Variants in CIITA observed in about 807,000 individuals in gnomAD.
CIITA encodes the protein class II major histocompatibility complex transactivator.
A neutral mutation model predicts 115.1 loss-of-function variants in CIITA; 72 were observed. The ratio of observed to expected loss-of-function variants is 0.63; its 90% CI spans 0.52 to 0.76. CIITA has a LOEUF of 0.76. Ranked by LOEUF, CIITA falls within the 30% of genes least tolerant of loss-of-function variation. CIITA has a pLI of 0.00. For missense variants in CIITA, 1,617 were observed against 1,463.8 expected (o/e 1.10, Z -1.71); for synonymous variants, 763 against 635.6 (o/e 1.20, Z -3.02).
At chr16:10,876,284 G>A (rs1313491179), upstream of CIITA, among the ~76,000 whole-genome samples, 1 of 152,164 alleles carries the variant, frequency 6.6e-6, no homozygotes, top group African/African-American at 2.4e-5. Flanking sequence ...CAAAATGTTG[G>A]AATTACAGGC....
rs538223269 is a variant in CIITA at position 10,879,077 on chromosome 16, G to T, written c.52+1695G>T. 7.2e-4 allele frequency: 144 copies of T among 198,834 alleles called. No individual in the cohort carries two copies. Among genetic ancestry groups the T allele is most frequent in the Middle Eastern group, 1.7e-3 (1 of 580 alleles). The allele number at this position is 198,834 out of a possible 1,614,324, so 12.3% of individuals were successfully genotyped here. ...CAAAGTCTCCTCTGTAACCCCTAAG[G>T]TCGGGCTGAGAATCGAGGCTCCGAG... On this transcript the variant is annotated intron_variant, in intron 1 of 19. Coordinates refer to ENST00000324288, the MANE Select transcript of CIITA (RefSeq NM_000246.4). The surrounding 1 kb of genome is among the most constrained non-coding windows in gnomAD (Gnocchi z 4.3).
In CIITA at chr16:10,879,328, C is replaced by G. The variant is rs12919717; in HGVS notation, c.52+1946C>G. The stretch of plus-strand genomic sequence containing the variant: ...GGCAGCTTCTGCAGAGAAGCCGGAG[C>G]GCAGACTGGGAGCGCGGAGCAGACA... On this transcript the variant is annotated intron_variant, in intron 1 of 19. Coordinates refer to ENST00000324288, the MANE Select transcript of CIITA (RefSeq NM_000246.4). This position sits in a 1 kb window ranked among gnomAD's most constrained non-coding sequence, Gnocchi z 4.3. Among the ~76,000 whole-genome samples, 1 of 151,916 alleles carries G rather than the reference C, an allele frequency of 6.6e-6. No individual in the cohort carries two copies. Among genetic ancestry groups the G allele is most frequent in the Non-Finnish European group, 1.5e-5 (1 of 67,980 alleles).
intron 1 of CIITA, chr16:10,866,524 C>G: frequency 1.8e-6 from 1 of 554,178 alleles, no homozygotes; most frequent in Non-Finnish European, 3.5e-6. Context: ...CCGGAGTGGG[C>G]TGCAGCCCCC....
chr16:10,901,217 G>A lies in CIITA; in HGVS notation c.437-297G>A, dbSNP rs766563417. Reference sequence around the variant, plus strand: ...TGCAAAGGCACACAGCTAGGAAGCGGTTCAAAAGCAGGTTCCTTTGTTTTG... The same window carrying A: ...TGCAAAGGCACACAGCTAGGAAGCGATTCAAAAGCAGGTTCCTTTGTTTTG... On this transcript the variant is annotated intron_variant, in intron 5 of 19. Transcript: ENST00000324288. This position sits in a 1 kb window ranked among gnomAD's most constrained non-coding sequence, Gnocchi z 6.8. 6.6e-5 allele frequency among the ~76,000 whole-genome samples: 10 copies of A among 152,220 alleles called. No individual in the cohort carries two copies. The highest frequency in any genetic ancestry group is 1.5e-4 in the Non-Finnish European group (10 of 68,034).
At chr16:10,903,105 C>G (rs1046496730) in intron 8 of CIITA, among the ~76,000 whole-genome samples, 14 of 152,212 alleles carry the variant, frequency 9.2e-5, no homozygotes, top group African/African-American at 2.9e-4. Context: ...ATTGCAACAT[C>G]AATACATGCT....
Position 10,906,589 on chromosome 16 carries a change from T to C in CIITA, c.1097T>C (p.Val366Ala), listed in dbSNP as rs539096456. The C allele has an allele frequency of 5.0e-6, 8 of 1,613,592 alleles. No homozygotes were observed. The East Asian group carries it at 1.1e-4, about 22-fold the overall frequency. The change falls in exon 11 of 20, where the codon GTG becomes GCG. Residue 366 changes from valine (V) to alanine (A), a missense_variant. Val to Ala is a moderately conservative substitution (Grantham distance 64). Transcript: ENST00000324288. ...GGCATCCTAGTGGAGGTGGATCTGGTGCAGGCCAGGCTGGAGAGGAGCAGC... is the reference window on the plus strand; with the variant it reads ...GGCATCCTAGTGGAGGTGGATCTGGCGCAGGCCAGGCTGGAGAGGAGCAGC... Reference protein sequence around the residue: ...PDGILVEVDLVQARLERSSSK... With the variant: ...PDGILVEVDLAQARLERSSSK...
intron 5 of CIITA, among the ~76,000 whole-genome samples, chr16:10,900,432 C>G (rs1473547355): frequency 6.6e-6 from 1 of 151,942 alleles, no homozygotes; most frequent in Non-Finnish European, 1.5e-5. Context: ...AATATTTCCC[C>G]CCAAGATTTT....
At chr16:10,891,304 C>T (rs2037554966) in intron 1 of CIITA, among the ~76,000 whole-genome samples, 1 of 151,982 alleles carries the variant, frequency 6.6e-6, no homozygotes, top group Non-Finnish European at 1.5e-5. Context: ...GCAGGGGCAG[C>T]CACCGACAGG....
Position 10,920,784 on chromosome 16 carries a change from T to C in CIITA, c.3150-1383T>C, listed in dbSNP as rs901240643. 6.6e-6 allele frequency among the ~76,000 whole-genome samples: 1 copy of C among 152,210 alleles called. No individual in the cohort carries two copies. Among genetic ancestry groups the C allele is most frequent in the African/African-American group, 2.4e-5 (1 of 41,446 alleles). On this transcript the variant is annotated intron_variant, in intron 16 of 19. Coordinates refer to ENST00000324288, the MANE Select transcript of CIITA (RefSeq NM_000246.4). The surrounding 1 kb of genome is among the most constrained non-coding windows in gnomAD (Gnocchi z 4.5). Reference sequence around the variant, plus strand: ...GGGTTCAGAGATTGCAAAACCCCCATCTAGTTTCTGCACTGGTACCGGCCG... The same window carrying C: ...GGGTTCAGAGATTGCAAAACCCCCACCTAGTTTCTGCACTGGTACCGGCCG...
At chr16:10,915,471 C>G (rs923819369) in intron 13 of CIITA, 99 bp from the exon 14 acceptor site, 1 of 927,298 alleles carries the variant, frequency 1.1e-6, no homozygotes, top group East Asian at 2.4e-5. Flanking sequence ...GGGCCTCAGA[C>G]AGGACCTGAC....
chr16:10,901,763 C>A lies in CIITA; in HGVS notation c.481+205C>A. On this transcript the variant is annotated intron_variant, in intron 6 of 19. Transcript: ENST00000324288. This position sits in a 1 kb window ranked among gnomAD's most constrained non-coding sequence, Gnocchi z 6.8. ...TGTGGAAGGTGGTAGGGGCTTGGAG[C>A]TAACAGATTGTTCATAGGTTCTATT... 1.5e-6 allele frequency: 1 copy of A among 669,340 alleles called. No individual in the cohort carries two copies. The highest frequency in any genetic ancestry group is 1.8e-5 in the South Asian group (1 of 54,606). 41.5% of individuals were successfully genotyped at this position (669,340 alleles called of 1,614,324 possible). A position where few individuals can be genotyped will look rare whatever the true frequency, so the allele number is the denominator to read the frequency against.
chr16:10,896,620 G>A (rs1321426170), intron 3 of CIITA, among the ~76,000 whole-genome samples: 1 of 152,180 alleles, frequency 6.6e-6, no homozygotes, highest in Non-Finnish European at 1.5e-5. Flanking sequence ...TTTTTCTGGA[G>A]GATGCAGCCC....
At chr16:10,910,104 A>G in intron 12 of CIITA, 84 bp from the exon 13 acceptor site, 1 of 1,153,304 alleles carries the variant, frequency 8.7e-7, no homozygotes, top group Non-Finnish European at 1.3e-6. Flanking sequence ...AATTTGGGGC[A>G]CTGGGGCAGC....
chr16:10,917,115 T>C (rs1436005901), intron 15 of CIITA: 1 of 204,002 alleles, frequency 4.9e-6, no homozygotes, highest in Admixed American at 5.9e-5. Flanking sequence ...AGTAAAACTT[T>C]TTAAAAACTG....
chr16:10,928,151 C>T lies in CIITA; in HGVS notation c.*4296C>T, dbSNP rs1178564201. 6.6e-6 allele frequency: 1 copy of T among 152,268 alleles called. No homozygotes were observed. The highest frequency in any genetic ancestry group is 2.4e-5 in the African/African-American group (1 of 41,452). 9.4% of individuals were successfully genotyped at this position (152,268 alleles called of 1,614,324 possible). On this transcript the variant is annotated 3_prime_UTR_variant, in exon 20 of 20. Transcript: ENST00000324288. ...GAGTTCTGCCGCCTGTACTCTCCCA[C>T]ACCTCAGTCTCCTCGCCTGTAGAAA...
chr16:10,907,965 G>T lies in CIITA; in HGVS notation c.2473G>T (p.Val825Leu), dbSNP rs773619622. The T allele has an allele frequency of 2.5e-6, 4 of 1,571,372 alleles. No homozygotes were observed. The Admixed American group carries it at 5.5e-5, about 22-fold the overall frequency. ...CGAGGAGGCTGGAATTTGGCAGCAC[G>T]TGGTACAGGAGCTCCCCGGCCGCCT... is the stretch of plus-strand genomic sequence containing the variant. The part of the protein sequence containing the change: ...EAEEAGIWQH[V>L]VQELPGRLSF... The change falls in exon 11 of 20, where the codon GTG (valine) becomes TTG (leucine). Residue 825 changes from valine to leucine, a missense_variant. Coordinates refer to ENST00000324288, the MANE Select transcript of CIITA (RefSeq NM_000246.4). This position sits in a 1 kb window ranked among gnomAD's most constrained non-coding sequence, Gnocchi z 5.0.
At chr16:10,867,303 G>A (rs959418700) in intron 1 of CIITA, among the ~76,000 whole-genome samples, 1 of 133,552 alleles carries the variant, frequency 7.5e-6, no homozygotes, top group African/African-American at 2.6e-5. Flanking sequence ...AAAGCTGAAA[G>A]CAGAGCCCAC....
intron 10 of CIITA, 28 bp downstream of exon 10, chr16:10,904,840 G>A (rs770197581): frequency 8.7e-6 from 14 of 1,611,516 alleles, no homozygotes; most frequent in Non-Finnish European, 1.2e-5. Context: ...TCTCTGCCCT[G>A]GGTGGTGGAG....
At chr16:10,871,932 G>A (rs187345404) in intron 1 of CIITA, among the ~76,000 whole-genome samples, 7 of 152,252 alleles carry the variant, frequency 4.6e-5, no homozygotes, top group Non-Finnish European at 1.0e-4. Context: ...CCCAAGCCTG[G>A]CACTTCTCCA....
Sources: allele counts gnomAD v4.1 joint callset (sites outside exome capture counted in the v4.1 genomes callset), GRCh38; gene constraint gnomAD v4.1.1; non-coding constraint Gnocchi (gnomAD v3.1); transcripts MANE v1.5; gene names NCBI Gene and HGNC (gene_info 2026-07-23, HGNC 2026-07-21).